Variants in TUT1 observed in about 807,000 individuals in gnomAD.
TUT1 encodes speckle targeted PIP5K1A-regulated poly(A) polymerase.
A neutral mutation model predicts 48.8 loss-of-function variants in TUT1; 26 were observed. The ratio of observed to expected loss-of-function variants is 0.53; its 90% CI spans 0.39 to 0.74. The LOEUF (loss-of-function observed/expected upper bound fraction) is 0.74, where lower values mean the gene tolerates loss of function less well. Among genes scored for constraint, TUT1 ranks in the 30% least tolerant of loss-of-function variants. The pLI, the probability that TUT1 is intolerant of heterozygous loss-of-function variation, is 0.00. For missense variants in TUT1, 1,065 were observed against 1,114.8 expected, an observed-to-expected ratio of 0.96 and a Z score of 0.64; for synonymous variants, 470 against 460.8, an observed-to-expected ratio of 1.02 and a Z score of -0.26.
chr11:62,576,330 A>G, intron 8 of TUT1, 86 bp from the exon 9 acceptor site: 18 of 1,427,806 alleles, frequency 1.3e-5, no homozygotes, highest in Non-Finnish European at 1.5e-5. Flanking sequence ...TTTCCTTAGC[A>G]GGACTTTTTC....
Position 62,589,207 on chromosome 11 carries a change from C to G in TUT1, c.97G>C (p.Ala33Pro). ...CGGTGCTTTCTGCCTCCCAAGTGGG[C>G]ATCAAGGCTGGGTCCTGCAAAGACA... ...VTTANRPSLD[A>P]HLGGRKHRHL... The change falls in exon 2 of 9, where the codon GCC (alanine) becomes CCC (proline). Residue 33 changes from alanine (A) to proline (P), a missense_variant. Ala to Pro is a conservative substitution (Grantham distance 27). Transcript: ENST00000476907. 2 of 1,614,120 alleles carry G rather than the reference C, an allele frequency of 1.2e-6. No homozygotes were observed. The highest frequency in any genetic ancestry group is 8.5e-7 in the Non-Finnish European group (1 of 1,179,992).
chr11:62,579,320 T>TA (rs1416042863), intron 4 of TUT1, among the ~76,000 whole-genome samples: 1 of 152,200 alleles, frequency 6.6e-6, no homozygotes, highest in Non-Finnish European at 1.5e-5. Flanking sequence ...CTGACCAAAT[T>TA]AGAGTATGGA....
Position 62,575,573 on chromosome 11 carries a change from G to C in TUT1, c.2146C>G (p.Leu716Val), listed in dbSNP as rs771555615. 7 of 1,614,082 alleles carry C rather than the reference G, an allele frequency of 4.3e-6. No individual in the cohort carries two copies. The South Asian group carries it at 7.7e-5, about 18-fold the overall frequency. The part of the protein sequence containing the change: ...QSPGQPGDLP[L>V]TTGKHGAPGE... ...GGGGCTCCATGCTTTCCAGTGGTCA[G>C]GGGCAGGTCCCCTGGCTGCCCAGGG... The change falls in exon 9 of 9, where the codon CTG becomes GTG. Residue 716 changes from leucine (L) to valine (V), a missense_variant. Leu to Val is a conservative substitution (Grantham distance 32, BLOSUM62 1). Transcript: ENST00000476907.
chr11:62,587,375 T>C (rs1288267054), intron 2 of TUT1, among the ~76,000 whole-genome samples: 1 of 152,054 alleles, frequency 6.6e-6, no homozygotes, highest in Non-Finnish European at 1.5e-5. Context: ...GAGACGGGGT[T>C]TCTCCATGTT....
At position 62,579,021 on chromosome 11, in the gene TUT1, T is replaced by C. The variant is rs1160738996; in HGVS notation, c.700A>G (p.Lys234Glu). Reference sequence around the variant, plus strand: ...TCCAGCGATGGAGATTCTGGAGCCTTTGGGACTGGCTGTGGACAGAAATGA... The same window carrying C: ...TCCAGCGATGGAGATTCTGGAGCCTCTGGGACTGGCTGTGGACAGAAATGA... The part of the protein sequence containing the change: ...GDLEEPQPVP[K>E]APESPSLDSA... The change falls in exon 5 of 9, where the codon AAG becomes GAG. Residue 234 changes from lysine to glutamate, a missense_variant. Lys to Glu is a moderately conservative substitution (Grantham distance 56). Coordinates refer to ENST00000476907, the MANE Select transcript of TUT1 (RefSeq NM_022830.3). The C allele has an allele frequency of 1.3e-6, 2 of 1,511,592 alleles. No individual in the cohort carries two copies. The highest frequency in any genetic ancestry group is 2.8e-5 in the African/African-American group (2 of 71,494). 93.6% of individuals were successfully genotyped at this position (1,511,592 alleles called of 1,614,324 possible).
rs771703616 is a variant in TUT1, at chr11:62,576,892, G to A, written c.1381+15C>T. On this transcript the variant is annotated intron_variant, in intron 7 of 8. Coordinates refer to ENST00000476907, the MANE Select transcript of TUT1 (RefSeq NM_022830.3). Reference sequence around the variant, plus strand: ...AAACTAACAAGATGGAGAGGGTGGAGGCTAGGCCGAGTACCTGCTTTCTGG... The same window carrying A: ...AAACTAACAAGATGGAGAGGGTGGAAGCTAGGCCGAGTACCTGCTTTCTGG... The A allele has an allele frequency of 5.0e-6, 8 of 1,612,040 alleles. No individual in the cohort carries two copies. The highest frequency in any genetic ancestry group is 6.8e-6 in the Non-Finnish European group (8 of 1,178,146).
At chr11:62,588,868 A>G (rs763271184) in intron 2 of TUT1, among the ~76,000 whole-genome samples, 163 bp downstream of exon 2, 2 of 152,100 alleles carry the variant, frequency 1.3e-5, no homozygotes, top group African/African-American at 2.4e-5. Context: ...CTAATTTTTT[A>G]TTTTTAGTAG....
At chr11:62,589,593 G>A (rs1402686647) in intron 1 of TUT1, among the ~76,000 whole-genome samples, 3 of 152,118 alleles carry the variant, frequency 2.0e-5, no homozygotes, top group East Asian at 1.9e-4. Context: ...TAGTAGAGAC[G>A]AGGGTTCCCA....
intron 2 of TUT1, among the ~76,000 whole-genome samples, chr11:62,584,195 C>T (rs1229710997): frequency 1.3e-5 from 2 of 149,502 alleles, no homozygotes; most frequent in African/African-American, 2.5e-5. Context: ...GGCACACTCT[C>T]GGCTCATTAT....
In TUT1 at chr11:62,581,197, A is replaced by G. The variant is rs757655858; in HGVS notation, c.599T>C (p.Val200Ala). The G allele has an allele frequency of 1.2e-6, 2 of 1,614,148 alleles. No individual in the cohort carries two copies. Among genetic ancestry groups the G allele is most frequent in the Admixed American group, 1.7e-5 (1 of 60,014 alleles). Residue 200 changes from valine (V) to alanine (A), a missense_variant, in exon 4 of 9, where the codon GTC (valine) becomes GCC (alanine). Transcript: ENST00000476907. ...VFTEFFPGCV[V>A]HPFGSSINSF... The stretch of plus-strand genomic sequence containing the variant: ...ATTTATGGAAGAGCCAAAAGGGTGG[A>G]CCACACAGCCTGGGTGCCGAGCAGA...
At chr11:62,580,760 C>A (rs891285667) in intron 4 of TUT1, among the ~76,000 whole-genome samples, 1 of 151,588 alleles carries the variant, frequency 6.6e-6, no homozygotes. Flanking sequence ...ACACCACACA[C>A]CCAGCTAATT....
intron 1 of TUT1, among the ~76,000 whole-genome samples, chr11:62,589,428 CAG>C (rs1247291981): frequency 2.0e-5 from 3 of 151,632 alleles, no homozygotes; most frequent in South Asian, 2.1e-4. Flanking sequence ...TTTTTTTAAA[CAG>C]AGTCTCACTG....
rs745565433 is a variant in TUT1, at chr11:62,575,729, C to A, written c.1990G>T (p.Asp664Tyr). The part of the protein sequence containing the change: ...QGGTSKRLKV[D>Y]GQKNCCEEGK... ...TCCTCACAGCAGTTTTTCTGTCCATCTACTTTGAGTCTTTTGCTTGTCCCT... is the reference window on the plus strand; with the variant it reads ...TCCTCACAGCAGTTTTTCTGTCCATATACTTTGAGTCTTTTGCTTGTCCCT... The change falls in exon 9 of 9, where the codon GAT (aspartate) becomes TAT (tyrosine). Residue 664 changes from aspartate (D) to tyrosine (Y), a missense_variant. Transcript: ENST00000476907. The A allele has an allele frequency of 1.5e-5, 25 of 1,614,166 alleles. No individual in the cohort carries two copies. Among genetic ancestry groups the A allele is most frequent in the Non-Finnish European group, 2.1e-5 (25 of 1,179,990 alleles).
Position 62,582,566 on chromosome 11 carries a change from C to T in TUT1, c.274-865G>A, listed in dbSNP as rs1040900754. On this transcript the variant is annotated intron_variant, in intron 2 of 8. Transcript: ENST00000476907. ...AGCTGTGATTGTGATTGCACCACTA[C>T]ACACCAGCCTGAGAGACAGCGAGAC... 10 of 454,994 alleles carry T rather than the reference C, an allele frequency of 2.2e-5. No individual in the cohort carries two copies. In the East Asian group the frequency reaches 6.3e-4, roughly 29 times the overall value. 28.2% of individuals were successfully genotyped at this position (454,994 alleles called of 1,614,324 possible).
intron 3 of TUT1, 73 bp downstream of exon 3, chr11:62,581,313 G>T: frequency 1.3e-6 from 2 of 1,560,356 alleles, no homozygotes; most frequent in Non-Finnish European, 1.7e-6. Flanking sequence ...TCTAGCGGAG[G>T]AAGGACTGGG....
intron 7 of TUT1, 22 bp downstream of exon 7, chr11:62,576,885 G>C (rs746435310): frequency 1.2e-6 from 2 of 1,608,376 alleles, no homozygotes; most frequent in African/African-American, 2.7e-5. Flanking sequence ...AAGATGGAGA[G>C]GGTGGAGGCT....
At chr11:62,585,264 G>A (rs1272623785) in intron 2 of TUT1, among the ~76,000 whole-genome samples, 2 of 152,072 alleles carry the variant, frequency 1.3e-5, no homozygotes, top group African/African-American at 2.4e-5. Context: ...GGGATGATAG[G>A]GGCACATCAC....
rs1941830040 is a variant in TUT1, at chr11:62,581,716, G to A, written c.274-15C>T. 7.1e-7 allele frequency: 1 copy of A among 1,415,132 alleles called. No homozygotes were observed. The highest frequency in any genetic ancestry group is 1.6e-5 in the South Asian group (1 of 61,026). The allele number at this position is 1,415,132 out of a possible 1,614,324, so 87.7% of individuals were successfully genotyped here. A position where few individuals can be genotyped will look rare whatever the true frequency, so the allele number is the denominator to read the frequency against. ...GCAAACACTCCCTGGTAAACAACAG[G>A]GGCAGAGATGATGATTTTGGAACCA... On this transcript the variant is annotated splice_polypyrimidine_tract_variant and intron_variant, in intron 2 of 8. Transcript: ENST00000476907.
rs1322288251 is a variant in TUT1, at chr11:62,577,177, C to T, written c.1270+5G>A. 3 of 1,608,150 alleles carry T rather than the reference C, an allele frequency of 1.9e-6. No homozygotes were observed. In the African/African-American group the frequency reaches 4.0e-5, roughly 22 times the overall value. ...AGCCCCAAGTCTGTCCTGATCCATT[C>T]TCACCTGACAGCCCCCGACCCTGAG... On this transcript the variant is annotated splice_donor_5th_base_variant and intron_variant, in intron 6 of 8. Transcript: ENST00000476907.
Sources: gnomAD v4.1 joint callset for allele counts (sites outside exome capture counted in the v4.1 genomes callset) on GRCh38, gnomAD v4.1.1 for gene constraint, MANE v1.5 for transcripts, NCBI Gene and HGNC (gene_info 2026-07-23, HGNC 2026-07-21) for gene names.